Variants in LRP1B observed in about 807,000 individuals in gnomAD.
The protein encoded by LRP1B is LDL receptor related protein 1B, also known as low-density lipoprotein receptor-related protein 1B.
Under a neutral mutation model 556.6 loss-of-function variants are expected in LRP1B, and 217 were observed. The observed-to-expected ratio is 0.39, with a 90% CI of 0.35 to 0.44. The LOEUF (loss-of-function observed/expected upper bound fraction) is 0.44. Among genes scored for constraint, LRP1B ranks in the 20% least tolerant of loss-of-function variants. The pLI is 1.00. For synonymous variants in LRP1B, 2,047 were observed against 1,865.8 expected (o/e 1.10, Z -2.50); for missense variants, 5,053 against 5,620.8 (o/e 0.90, Z 3.23).
intron 55 of LRP1B, among the ~76,000 whole-genome samples, chr2:140,496,001 C>T (rs1002610740): frequency 2.0e-5 from 3 of 152,006 alleles, no homozygotes; most frequent in African/African-American, 4.8e-5. Flanking sequence ...TTGCTAAGGC[C>T]GTGTGGTTAG....
intron 2 of LRP1B, among the ~76,000 whole-genome samples, chr2:141,562,793 G>A (rs1686208425): frequency 1.3e-5 from 2 of 151,920 alleles, no homozygotes; most frequent in Non-Finnish European, 1.5e-5. Context: ...ACAGGGCAAG[G>A]AAATTAGACT....
chr2:141,033,340 TG>T (rs2105418554), intron 11 of LRP1B, among the ~76,000 whole-genome samples: 1 of 152,114 alleles, frequency 6.6e-6, no homozygotes, highest in African/African-American at 2.4e-5. Flanking sequence ...GAACTTATTT[TG>T]AGTGACAGGA....
At chr2:142,115,832 TATATATGTAATATATATATATAC>T (rs1309546964) in intron 1 of LRP1B, among the ~76,000 whole-genome samples, 1,394 of 9,468 alleles carry the variant, frequency 0.15, 601 homozygotes, top group East Asian at 0.81. Flanking sequence ...ATATATATCA[TATATATGTAATATATATATATAC>T]ATATATATAT....
intron 77 of LRP1B, among the ~76,000 whole-genome samples, chr2:140,336,207 A>C (rs1338409353): frequency 7.2e-5 from 11 of 151,972 alleles, no homozygotes; most frequent in Admixed American, 7.2e-4. Flanking sequence ...AAAGAATCAT[A>C]GTCTTTCATT....
chr2:141,936,574 G>C (rs1444045501), intron 1 of LRP1B, among the ~76,000 whole-genome samples: 3 of 152,030 alleles, frequency 2.0e-5, no homozygotes, highest in African/African-American at 7.2e-5. Flanking sequence ...ATAAATTCCT[G>C]GTTTTTAAGA....
At chr2:141,451,481 G>A (rs1030959491) in intron 3 of LRP1B, among the ~76,000 whole-genome samples, 23 of 152,178 alleles carry the variant, frequency 1.5e-4, no homozygotes, top group African/African-American at 5.1e-4. Context: ...TCAGAAAACA[G>A]ATGTTGAATG....
Position 141,017,682 on chromosome 2 carries a change from C to CAT in LRP1B, c.1971-1769_1971-1768dup, listed in dbSNP as rs1031712035. Among the ~76,000 whole-genome samples the CAT allele has an allele frequency of 3.8e-3, 567 of 151,022 alleles. 1 individual carries two copies. The highest frequency in any genetic ancestry group is 0.011 in the African/African-American group (456 of 41,204). On this transcript the variant is annotated intron_variant, in intron 12 of 90. Coordinates refer to ENST00000389484, the MANE Select transcript of LRP1B (RefSeq NM_018557.3). ...GTATATATGTATATGCACACACACA[C>CAT]ATATATATATATGCTTAAATATATA...
chr2:141,892,288 G>T (rs1198814011), intron 1 of LRP1B, among the ~76,000 whole-genome samples: 1 of 151,678 alleles, frequency 6.6e-6, no homozygotes, highest in Admixed American at 6.6e-5. Flanking sequence ...ATGCATATTT[G>T]GGATCCAATA....
At chr2:141,563,097 G>A (rs1686220166) in intron 2 of LRP1B, among the ~76,000 whole-genome samples, 3 of 152,006 alleles carry the variant, frequency 2.0e-5, no homozygotes, top group Non-Finnish European at 4.4e-5. Context: ...TGTTAAATAA[G>A]CCTGGGTATT....
intron 2 of LRP1B, among the ~76,000 whole-genome samples, chr2:141,771,625 C>T (rs1489612359): frequency 2.0e-5 from 3 of 151,998 alleles, no homozygotes; most frequent in African/African-American, 4.8e-5. Context: ...TTCCCTATTG[C>T]TATGAACTGA....
chr2:140,730,447 A>T (rs1687738824), intron 35 of LRP1B, among the ~76,000 whole-genome samples: 3 of 152,036 alleles, frequency 2.0e-5, no homozygotes, highest in African/African-American at 7.2e-5. Context: ...TCCATTTTAC[A>T]TGTACACATA....
intron 41 of LRP1B, among the ~76,000 whole-genome samples, chr2:140,699,291 C>G (rs1227795411): frequency 3.3e-5 from 5 of 151,830 alleles, no homozygotes; most frequent in African/African-American, 9.7e-5. Flanking sequence ...TTGCAATACA[C>G]AGTAAATGAA....
rs1689291927 is a variant in LRP1B at position 140,771,009 on chromosome 2, G to T, written c.5501-3C>A. On this transcript the variant is annotated splice_region_variant and splice_polypyrimidine_tract_variant and intron_variant, in intron 33 of 90. Transcript: ENST00000389484. ...GTTTAGTTGGCAGGAATTGCTGCCT[G>T]CATAGAATGAAAATGAAACAAATTT... is the stretch of plus-strand genomic sequence containing the variant. 1 of 1,558,214 alleles carries T rather than the reference G, an allele frequency of 6.4e-7. No homozygotes were observed. Among genetic ancestry groups the T allele is most frequent in the Admixed American group, 2.2e-5 (1 of 44,954 alleles).
intron 3 of LRP1B, among the ~76,000 whole-genome samples, chr2:141,340,145 T>G (rs1688004376): frequency 6.6e-6 from 1 of 152,224 alleles, no homozygotes; most frequent in Non-Finnish European, 1.5e-5. Flanking sequence ...GTGCTATTTA[T>G]GTAGGTTTGA....
intron 2 of LRP1B, among the ~76,000 whole-genome samples, chr2:141,495,337 C>G (rs996409441): frequency 2.0e-5 from 3 of 152,076 alleles, no homozygotes; most frequent in Non-Finnish European, 4.4e-5. Context: ...TCTGCCCTTT[C>G]TGACCACTCA....
intron 66 of LRP1B, among the ~76,000 whole-genome samples, chr2:140,424,810 T>C (rs1423459786): frequency 6.6e-6 from 1 of 152,194 alleles, no homozygotes; most frequent in Non-Finnish European, 1.5e-5. Flanking sequence ...GTCAATTCTC[T>C]TTTGTTCTTC....
chr2:141,169,455 C>A (rs1474122371), intron 7 of LRP1B, among the ~76,000 whole-genome samples: 1 of 151,680 alleles, frequency 6.6e-6, no homozygotes, highest in Non-Finnish European at 1.5e-5. Context: ...AAAATTCCAC[C>A]AATGACTTAT....
intron 2 of LRP1B, among the ~76,000 whole-genome samples, chr2:141,644,499 C>T (rs62166520): frequency 0.036 from 5,452 of 152,064 alleles, 140 homozygotes; most frequent in Non-Finnish European, 0.054. Context: ...AGTGTGAAAA[C>T]GGACTGATAC....
intron 1 of LRP1B, among the ~76,000 whole-genome samples, chr2:142,124,646 T>C (rs552139063): frequency 3.0e-4 from 45 of 151,966 alleles, no homozygotes; most frequent in African/African-American, 1.0e-3. Flanking sequence ...TGAGTACAAA[T>C]GAATTCAGAA....
Sources: gnomAD v4.1 joint callset for allele counts (sites outside exome capture counted in the v4.1 genomes callset) on GRCh38, gnomAD v4.1.1 for gene constraint, MANE v1.5 for transcripts, NCBI Gene and HGNC (gene_info 2026-07-23, HGNC 2026-07-21) for gene names.